RPS6KC1: variants seen among roughly 807,000 people sequenced by gnomAD.
RPS6KC1 encodes inactive ribosomal protein S6 kinase delta-1.
A neutral mutation model predicts 103.8 loss-of-function variants in RPS6KC1; 54 were observed. That is an observed-to-expected ratio of 0.52 (90% CI 0.42 to 0.65). The LOEUF is 0.65. Among genes scored for constraint, RPS6KC1 ranks in the 30% least tolerant of loss-of-function variants. The pLI is 0.00. For missense variants in RPS6KC1, 1,151 were observed against 1,253.8 expected, an observed-to-expected ratio of 0.92 and a Z score of 1.24; for synonymous variants, 439 against 438.7, an observed-to-expected ratio of 1.00 and a Z score of -0.01.
intron 4 of RPS6KC1, among the ~76,000 whole-genome samples, chr1:213,116,317 T>G (rs1177628194): frequency 6.7e-6 from 1 of 148,942 alleles, no homozygotes; most frequent in African/African-American, 2.5e-5. Context: ...ATGGCCTTCT[T>G]TGTCTCTTTT....
At chr1:213,854,514 TTC>T in the RPS6KC1 span, among the ~76,000 whole-genome samples, 2 of 65,698 alleles carry the variant, frequency 3.0e-5, no homozygotes, top group East Asian at 6.1e-4. Context: ...TTCTTTCTCT[TTC>T]TTTCTTTCTT....
At position 213,213,421 on chromosome 1, in the gene RPS6KC1, A is replaced by G. The variant is rs554980415; in HGVS notation, c.1045-17076A>G. Among the ~76,000 whole-genome samples, 18 of 152,236 alleles carry G rather than the reference A, an allele frequency of 1.2e-4. No individual in the cohort carries two copies. The South Asian group carries it at 2.9e-3, about 25-fold the overall frequency. On this transcript the variant is annotated intron_variant, in intron 8 of 14. Transcript: ENST00000366960. ...TTCTGTTGCATTGATTGGTTTGTCT[A>G]TTCTTTAGCCAATACCACACTGTCT...
At chr1:213,134,784 A>C (rs189081282) in intron 6 of RPS6KC1, among the ~76,000 whole-genome samples, 179 of 152,284 alleles carry the variant, frequency 1.2e-3, no homozygotes, top group African/African-American at 3.2e-3. Flanking sequence ...AAGGGAAGCA[A>C]GTCATGTGAT....
chr1:213,301,714 T>C, the RPS6KC1 span, among the ~76,000 whole-genome samples: 25 of 142,662 alleles, frequency 1.8e-4, no homozygotes, highest in Middle Eastern at 3.2e-3. Context: ...TATTTATTTA[T>C]TTATTTATTT....
At chr1:213,639,142 T>C in the RPS6KC1 span, among the ~76,000 whole-genome samples, 5 of 152,142 alleles carry the variant, frequency 3.3e-5, no homozygotes. Context: ...CAGTTTCCAA[T>C]TGTATGTTGT....
the RPS6KC1 span, among the ~76,000 whole-genome samples, chr1:213,589,153 C>T: frequency 6.6e-6 from 1 of 152,148 alleles, no homozygotes; most frequent in African/African-American, 2.4e-5. Flanking sequence ...ACTTGCTTAG[C>T]TCTAGATGTT....
intron 14 of RPS6KC1, among the ~76,000 whole-genome samples, chr1:213,265,926 G>A (rs1309501132): frequency 3.9e-5 from 6 of 152,132 alleles, no homozygotes; most frequent in Admixed American, 2.6e-4. Context: ...TACTACCTGT[G>A]TTATCTTAAA....
chr1:213,128,013 A>G (rs1364560197), intron 5 of RPS6KC1, among the ~76,000 whole-genome samples: 4 of 152,258 alleles, frequency 2.6e-5, no homozygotes, highest in African/African-American at 9.6e-5. Flanking sequence ...ATTACAACTA[A>G]GCTTTAAAAA....
chr1:213,556,439 C>T, the RPS6KC1 span, among the ~76,000 whole-genome samples: 1 of 152,206 alleles, frequency 6.6e-6, no homozygotes, highest in Non-Finnish European at 1.5e-5. Flanking sequence ...CAAACTATCA[C>T]ATACAGTTTG....
At chr1:213,832,375 C>T in the RPS6KC1 span, 1 of 152,164 alleles carries the variant, frequency 6.6e-6, no homozygotes, top group African/African-American at 2.4e-5. Flanking sequence ...CTATGTCTTT[C>T]CTCTTTATCC....
At chr1:213,395,694 A>G in the RPS6KC1 span, among the ~76,000 whole-genome samples, 1 of 152,188 alleles carries the variant, frequency 6.6e-6, no homozygotes, top group Non-Finnish European at 1.5e-5. Flanking sequence ...ATGGTTTAAT[A>G]CCTGGCTTAC....
At chr1:213,278,852 G>C (rs2095117575), downstream of RPS6KC1, among the ~76,000 whole-genome samples, 2 of 152,246 alleles carry the variant, frequency 1.3e-5, no homozygotes, top group Admixed American at 1.3e-4. Context: ...GCAGGACCTT[G>C]AAGTGTAGAT....
chr1:213,467,483 CAT>C, the RPS6KC1 span, among the ~76,000 whole-genome samples: 1 of 152,310 alleles, frequency 6.6e-6, no homozygotes, highest in African/African-American at 2.4e-5. Context: ...AATACATTAA[CAT>C]GTGCAAAAGT....
chr1:213,687,977 T>A, the RPS6KC1 span, among the ~76,000 whole-genome samples: 8 of 152,222 alleles, frequency 5.3e-5, no homozygotes, highest in African/African-American at 1.9e-4. Flanking sequence ...GGGAAGATGC[T>A]GAGTAAGCGT....
the RPS6KC1 span, among the ~76,000 whole-genome samples, chr1:213,346,059 C>T: frequency 6.6e-6 from 1 of 152,180 alleles, no homozygotes; most frequent in African/African-American, 2.4e-5. Context: ...ATATCATGGA[C>T]ACATTTGTCA....
At chr1:213,409,550 G>A in the RPS6KC1 span, among the ~76,000 whole-genome samples, 1 of 152,128 alleles carries the variant, frequency 6.6e-6, no homozygotes, top group Non-Finnish European at 1.5e-5. Context: ...CAGCTTAGCT[G>A]ATTTGTGGTT....
the RPS6KC1 span, among the ~76,000 whole-genome samples, chr1:213,609,431 C>T: frequency 3.3e-5 from 5 of 152,162 alleles, no homozygotes; most frequent in Non-Finnish European, 5.9e-5. Context: ...TGTTGGCACT[C>T]AGTCCCATGT....
chr1:213,621,490 A>T, the RPS6KC1 span, among the ~76,000 whole-genome samples: 1 of 152,142 alleles, frequency 6.6e-6, no homozygotes. Flanking sequence ...AAGTCACCTC[A>T]AAAGAAGCTT....
At chr1:213,289,345 T>G in the RPS6KC1 span, among the ~76,000 whole-genome samples, 23 of 152,138 alleles carry the variant, frequency 1.5e-4, no homozygotes, top group Non-Finnish European at 1.5e-5. Flanking sequence ...TATTTTGGAT[T>G]TAAAAGAGTT....
Sources: gnomAD v4.1 joint callset for allele counts (sites outside exome capture counted in the v4.1 genomes callset) on GRCh38, gnomAD v4.1.1 for gene constraint, MANE v1.5 for transcripts, NCBI Gene and HGNC (gene_info 2026-07-23, HGNC 2026-07-21) for gene names.